The following PAK4 variants were observed in gnomAD, a reference collection of about 807,000 sequenced individuals.
PAK4 encodes serine/threonine-protein kinase PAK 4.
In PAK4, 49 loss-of-function variants were observed where a neutral mutation model predicts 53.5. That is an observed-to-expected ratio of 0.92 (90% CI 0.73 to 1.16). The LOEUF (loss-of-function observed/expected upper bound fraction) is 1.16, where lower values mean the gene tolerates loss of function less well. PAK4 is among the 50% of genes most tolerant of loss of function. The pLI, the probability that PAK4 is intolerant of heterozygous loss-of-function variation, is 0.00. For missense variants in PAK4, 824 were observed against 850.7 expected, an observed-to-expected ratio of 0.97 and a Z score of 0.39; for synonymous variants, 376 against 375.6, an observed-to-expected ratio of 1.00 and a Z score of -0.01.
chr19:39,140,668 A>C (rs2073894420), intron 1 of PAK4, among the ~76,000 whole-genome samples: 1 of 151,984 alleles, frequency 6.6e-6, no homozygotes, highest in Non-Finnish European at 1.5e-5. Flanking sequence ...GTATGTCCCC[A>C]CTCACTGAGG....
intron 8 of PAK4, 97 bp downstream of exon 9, chr19:39,177,906 C>G (rs768519020): frequency 3.6e-6 from 5 of 1,380,174 alleles, no homozygotes; most frequent in Non-Finnish European, 4.9e-6. Flanking sequence ...ACAATGATGG[C>G]GCCTGGGATG....
In PAK4 at chr19:39,173,759, G is replaced by A; in HGVS notation, c.847G>A (p.Val283Ile). 1 of 1,588,940 alleles carries A rather than the reference G, an allele frequency of 6.3e-7. No individual in the cohort carries two copies. The highest frequency in any genetic ancestry group is 2.3e-5 in the East Asian group (1 of 43,366). The change falls in exon 4 of 9, where the codon GTT (valine) becomes ATT (isoleucine). Residue 283 changes from valine (V) to isoleucine (I), a missense_variant. By Grantham distance (29) the Val-to-Ile change is conservative. Coordinates refer to ENST00000358301, the Ensembl canonical transcript of PAK4. The surrounding 1 kb of genome is among the most constrained non-coding windows in gnomAD (Gnocchi z 6.9). ...AGCCTGCACCCCCGCCGCCCCTGCT[G>A]TTCCTGGGCCCCCTGGCCCCCGCTC... is the stretch of plus-strand genomic sequence containing the variant.
chr19:39,137,628 T>C (rs1266001926), intron 1 of PAK4, among the ~76,000 whole-genome samples: 1 of 151,948 alleles, frequency 6.6e-6, no homozygotes, highest in African/African-American at 2.4e-5. Context: ...AATTTGTTCT[T>C]CCAGACTCCT....
At chr19:39,177,186 A>G (rs1395977074) in intron 7 of PAK4, among the ~76,000 whole-genome samples, 1 of 152,156 alleles carries the variant, frequency 6.6e-6, no homozygotes, top group Non-Finnish European at 1.5e-5. Flanking sequence ...CCTTCTGAGC[A>G]TTGTTTTCAC....
chr19:39,139,726 G>A, intron 1 of PAK4, among the ~76,000 whole-genome samples: 1 of 152,110 alleles, frequency 6.6e-6, no homozygotes, highest in East Asian at 1.9e-4. Flanking sequence ...CTTATCCTTT[G>A]GCTGCGCCTT....
At chr19:39,149,685 T>C (rs2074062315) in intron 1 of PAK4, among the ~76,000 whole-genome samples, 1 of 152,068 alleles carries the variant, frequency 6.6e-6, no homozygotes, top group Non-Finnish European at 1.5e-5. Flanking sequence ...TGAAACCCTG[T>C]CTCTACTAAA....
chr19:39,147,700 T>C (rs928632754), intron 1 of PAK4, among the ~76,000 whole-genome samples: 11 of 152,152 alleles, frequency 7.2e-5, no homozygotes, highest in African/African-American at 2.7e-4. Context: ...TGATAACTCA[T>C]TGTGGCTTTA....
chr19:39,136,692 C>T (rs1423050017), intron 1 of PAK4, among the ~76,000 whole-genome samples: 5 of 152,232 alleles, frequency 3.3e-5, no homozygotes, highest in African/African-American at 1.2e-4. Context: ...ACCACAGGGC[C>T]TTGCCCTGCC....
chr19:39,157,258 T>C (rs1021283026), intron 1 of PAK4, among the ~76,000 whole-genome samples: 1 of 151,346 alleles, frequency 6.6e-6, no homozygotes, highest in African/African-American at 2.4e-5. Flanking sequence ...ATCTTGGGGG[T>C]TATTCCTAGG....
chr19:39,144,993 A>G (rs1393933641), intron 1 of PAK4, among the ~76,000 whole-genome samples: 2 of 152,226 alleles, frequency 1.3e-5, no homozygotes, highest in Non-Finnish European at 2.9e-5. Flanking sequence ...GCAAACAGCC[A>G]TGAAACTACC....
At chr19:39,140,656 C>T (rs530125258) in intron 1 of PAK4, among the ~76,000 whole-genome samples, 8 of 152,234 alleles carry the variant, frequency 5.3e-5, no homozygotes, top group Middle Eastern at 3.4e-3. Context: ...GCTGATGGTC[C>T]CGTATGTCCC....
chr19:39,139,609 G>T (rs992797023), intron 1 of PAK4, among the ~76,000 whole-genome samples: 1 of 152,144 alleles, frequency 6.6e-6, no homozygotes, highest in African/African-American at 2.4e-5. Flanking sequence ...AGGGCCTTCT[G>T]GGTACTGCCC....
intron 1 of PAK4, among the ~76,000 whole-genome samples, 163 bp downstream of exon 1, chr19:39,126,082 T>A (rs2073571028): frequency 6.6e-6 from 1 of 151,062 alleles, no homozygotes; most frequent in Admixed American, 6.6e-5. Context: ...GAGGGAGTTG[T>A]AGTGGAGGTC....
At chr19:39,138,955 G>C (rs1196062168) in intron 1 of PAK4, among the ~76,000 whole-genome samples, 1 of 152,144 alleles carries the variant, frequency 6.6e-6, no homozygotes, top group Non-Finnish European at 1.5e-5. Flanking sequence ...GGGTCAGTGG[G>C]GGGTTCTCCA....
At chr19:39,133,140 A>G (rs1174948446) in intron 1 of PAK4, among the ~76,000 whole-genome samples, 1 of 152,200 alleles carries the variant, frequency 6.6e-6, no homozygotes, top group Non-Finnish European at 1.5e-5. Context: ...TCTTACTAGC[A>G]GTGTGACCCC....
At chr19:39,127,100 A>G (rs975188343) in intron 1 of PAK4, among the ~76,000 whole-genome samples, 1 of 151,976 alleles carries the variant, frequency 6.6e-6, no homozygotes, top group Non-Finnish European at 1.5e-5. Context: ...CTATGGGAGT[A>G]GGGTGTTTGT....
intron 1 of PAK4, among the ~76,000 whole-genome samples, chr19:39,142,467 A>G (rs1462661161): frequency 6.6e-6 from 1 of 152,232 alleles, no homozygotes; most frequent in African/African-American, 2.4e-5. Flanking sequence ...GTTGAGAAGA[A>G]CACTCTGAAG....
chr19:39,172,893 C>T, intron 2 of PAK4, 25 bp from the exon 4 acceptor site: 1 of 1,505,834 alleles, frequency 6.6e-7, no homozygotes. Flanking sequence ...GCTGGGCCCC[C>T]ACCCACCATT....
intron 1 of PAK4, chr19:39,168,720 G>A (rs1391923385): frequency 6.6e-6 from 1 of 152,248 alleles, no homozygotes; most frequent in East Asian, 1.9e-4. Flanking sequence ...GCTTGGTACT[G>A]TGTCAAGGGC....
Sources: allele counts gnomAD v4.1 joint callset (sites outside exome capture counted in the v4.1 genomes callset), GRCh38; gene constraint gnomAD v4.1.1; non-coding constraint Gnocchi (gnomAD v3.1); transcripts MANE v1.5; gene names NCBI Gene and HGNC (gene_info 2026-07-23, HGNC 2026-07-21).